RBFOX1: variants seen among roughly 807,000 people sequenced by gnomAD.
The protein encoded by RBFOX1 is RNA binding fox-1 homolog 1, also known as RNA binding protein fox-1 homolog 1.
A neutral mutation model predicts 57.7 loss-of-function variants in RBFOX1; 8 were observed. That is an observed-to-expected ratio of 0.14 (90% CI 0.08 to 0.25). The LOEUF is 0.25. Among genes scored for constraint, RBFOX1 ranks in the 10% least tolerant of loss-of-function variants. The probability of loss-of-function intolerance (pLI) is 1.00; values close to 1 mark genes in which losing one functional copy is unlikely to be tolerated. For missense variants in RBFOX1, 611 were observed against 548.5 expected, an observed-to-expected ratio of 1.11 and a Z score of -1.14; for synonymous variants, 326 against 222.4, an observed-to-expected ratio of 1.47 and a Z score of -4.15.
intron 4 of RBFOX1, among the ~76,000 whole-genome samples, chr16:7,312,120 C>T (rs1028946746): frequency 2.0e-5 from 3 of 152,232 alleles, no homozygotes; most frequent in African/African-American, 7.2e-5. Flanking sequence ...TGGCCCACGC[C>T]TGTAATCCCA....
chr16:6,209,025 A>T (rs946729579), intron 1 of RBFOX1, among the ~76,000 whole-genome samples: 1 of 152,026 alleles, frequency 6.6e-6, no homozygotes, highest in Non-Finnish European at 1.5e-5. Flanking sequence ...TACAACCTTG[A>T]AGGATAATTT....
chr16:6,165,912 A>C (rs2096913529), intron 1 of RBFOX1, among the ~76,000 whole-genome samples: 1 of 152,198 alleles, frequency 6.6e-6, no homozygotes, highest in Non-Finnish European at 1.5e-5. Context: ...GAGACGTCAA[A>C]CTTAGGTACT....
At chr16:5,328,612 C>A (rs1276207135) in intron 1 of RBFOX1, among the ~76,000 whole-genome samples, 1 of 152,166 alleles carries the variant, frequency 6.6e-6, no homozygotes, top group South Asian at 2.1e-4. Context: ...ATGAGGTCCA[C>A]CAAGCCCCAT....
rs537715262 is a variant in RBFOX1, at chr16:6,588,081, A to T, written c.-63-66522A>T. ...CGCTGTCTCTACTAAAAATACAAAA[A>T]TTAGCTGGGCGTGGTGGCACACACC... On this transcript the variant is annotated intron_variant, in intron 2 of 15. Transcript: ENST00000550418. 1.5e-4 allele frequency among the ~76,000 whole-genome samples: 23 copies of T among 151,506 alleles called. No homozygotes were observed. The South Asian group carries it at 4.6e-3, about 30-fold the overall frequency.
chr16:6,115,539 G>A (rs998688611), intron 1 of RBFOX1, among the ~76,000 whole-genome samples: 1 of 152,110 alleles, frequency 6.6e-6, no homozygotes, highest in Non-Finnish European at 1.5e-5. Context: ...TCTGCATAAC[G>A]TCTGTTTTTT....
chr16:6,407,237 G>A (rs535133649), intron 2 of RBFOX1, among the ~76,000 whole-genome samples: 1 of 151,858 alleles, frequency 6.6e-6, no homozygotes, highest in South Asian at 2.1e-4. Context: ...ATCTGTATCT[G>A]TACCTTTATC....
At position 5,954,507 on chromosome 16, in the gene RBFOX1, G is replaced by A. The variant is rs114003933; in HGVS notation, c.351+87172G>A. 6.9e-3 allele frequency among the ~76,000 whole-genome samples: 1,047 copies of A among 152,266 alleles called. 15 individuals carry two copies. Among genetic ancestry groups the A allele is most frequent in the African/African-American group, 0.023 (959 of 41,558 alleles). ...TCAGAGATGCTCGTGGTGCCCTTGC[G>A]TGGCATCTTGAGTCTTCCATTATTA... On this transcript the variant is annotated intron_variant, in intron 4 of 19. Coordinates refer to the RBFOX1 transcript ENST00000641259.
intron 3 of RBFOX1, among the ~76,000 whole-genome samples, chr16:5,605,742 T>C (rs959359741): frequency 1.3e-5 from 2 of 152,116 alleles, no homozygotes; most frequent in Non-Finnish European, 2.9e-5. Context: ...ATTAATTTAA[T>C]AATGTCTGCC....
At chr16:5,930,992 G>A (rs2059043533) in intron 4 of RBFOX1, among the ~76,000 whole-genome samples, 2 of 151,778 alleles carry the variant, frequency 1.3e-5, no homozygotes, top group Admixed American at 1.3e-4. Context: ...ATGCATGGAT[G>A]GGTAGGTGGG....
chr16:7,485,473 C>T (rs1210132493), intron 4 of RBFOX1, among the ~76,000 whole-genome samples: 3 of 152,170 alleles, frequency 2.0e-5, no homozygotes, highest in African/African-American at 4.8e-5. Context: ...TTCAACCTCC[C>T]ACATGTGCTT....
rs150921262 is a variant in RBFOX1 at position 5,862,254 on chromosome 16, A to T, written c.319-5049A>T. On this transcript the variant is annotated intron_variant, in intron 3 of 19. Transcript: ENST00000641259. ...AATGCTGCCACGGATCCTCGTGTTT[A>T]CCTGGAATGCCAGTTTAAGTTAAGA... Among the ~76,000 whole-genome samples, 86 of 152,334 alleles carry T rather than the reference A, an allele frequency of 5.6e-4. 1 individual carries two copies. In the East Asian group the frequency reaches 0.015, roughly 27 times the overall value.
intron 2 of RBFOX1, among the ~76,000 whole-genome samples, chr16:6,633,936 G>A (rs957920101): frequency 7.9e-5 from 12 of 152,136 alleles, no homozygotes; most frequent in Non-Finnish European, 1.2e-4. Flanking sequence ...GATTGCTTGA[G>A]GCCAGGGGGT....
intron 3 of RBFOX1, among the ~76,000 whole-genome samples, chr16:6,817,765 G>A (rs1458245306): frequency 6.6e-6 from 1 of 151,910 alleles, no homozygotes; most frequent in Non-Finnish European, 1.5e-5. Context: ...TGTGTGTTAA[G>A]TACATCTGTT....
intron 3 of RBFOX1, among the ~76,000 whole-genome samples, chr16:5,860,273 G>C (rs1189070679): frequency 6.6e-6 from 1 of 152,078 alleles, no homozygotes; most frequent in East Asian, 1.9e-4. Flanking sequence ...AGCAGAGAAG[G>C]GGTCTCACCA....
intron 4 of RBFOX1, among the ~76,000 whole-genome samples, chr16:5,914,952 G>A (rs1388081225): frequency 6.6e-6 from 1 of 152,138 alleles, no homozygotes; most frequent in Non-Finnish European, 1.5e-5. Flanking sequence ...GGGTTCACCA[G>A]TTGGAACCCA....
chr16:7,281,708 C>G (rs961680981), intron 4 of RBFOX1, among the ~76,000 whole-genome samples: 1 of 152,086 alleles, frequency 6.6e-6, no homozygotes, highest in South Asian at 2.1e-4. Flanking sequence ...AACTGAGTGA[C>G]TGTTAGGAGA....
intron 3 of RBFOX1, among the ~76,000 whole-genome samples, chr16:6,793,966 C>A (rs1031348616): frequency 6.6e-6 from 1 of 152,066 alleles, no homozygotes; most frequent in African/African-American, 2.4e-5. Context: ...GGTGGTAATA[C>A]AGCAAGTGGT....
chr16:7,270,032 T>C (rs1433252225), intron 4 of RBFOX1, among the ~76,000 whole-genome samples: 1 of 152,202 alleles, frequency 6.6e-6, no homozygotes, highest in Non-Finnish European at 1.5e-5. Context: ...TAAACACATA[T>C]CATGCTCTTA....
At chr16:5,554,012 C>T (rs2045575160) in intron 2 of RBFOX1, among the ~76,000 whole-genome samples, 1 of 150,254 alleles carries the variant, frequency 6.7e-6, no homozygotes, top group African/African-American at 2.5e-5. Flanking sequence ...TGTTGTTGCC[C>T]AGGCTGGAGT....
Sources: allele counts gnomAD v4.1 joint callset (sites outside exome capture counted in the v4.1 genomes callset), GRCh38; gene constraint gnomAD v4.1.1; transcripts MANE v1.5; gene names NCBI Gene and HGNC (gene_info 2026-07-23, HGNC 2026-07-21).